Variants in DSCAM observed in about 807,000 individuals in gnomAD.
The protein encoded by DSCAM is DS cell adhesion molecule, also known as cell adhesion molecule DSCAM.
A neutral mutation model predicts 217.7 loss-of-function variants in DSCAM; 47 were observed. That is an observed-to-expected ratio of 0.22 (90% confidence interval 0.17 to 0.28). The LOEUF is 0.28. DSCAM is among the 10% of genes least tolerant of loss of function. DSCAM has a pLI of 1.00. For synonymous variants in DSCAM, 1,056 were observed against 1,015.3 expected (o/e 1.04, Z -0.76); for missense variants, 2,080 against 2,618.3 (o/e 0.79, Z 4.49).
At chr21:40,389,190 C>A (rs1223132514) in intron 3 of DSCAM, among the ~76,000 whole-genome samples, 2 of 152,146 alleles carry the variant, frequency 1.3e-5, no homozygotes, top group Non-Finnish European at 2.9e-5. Context: ...ATTCTCATGT[C>A]ATGCTGAGAA....
Position 40,545,834 on chromosome 21 carries a change from C to T in DSCAM, c.508+146976G>A, listed in dbSNP as rs150048142. Among the ~76,000 whole-genome samples, 876 of 152,302 alleles carry T rather than the reference C, an allele frequency of 5.8e-3. 13 individuals are homozygous for T. The highest frequency in any genetic ancestry group is 0.019 in the African/African-American group (778 of 41,560). On this transcript the variant is annotated intron_variant, in intron 3 of 32. Transcript: ENST00000400454. The stretch of plus-strand genomic sequence containing the variant: ...CAGCCCCTAGCCCCCTTGTGTGTAG[C>T]CCAGCCAGTCTGTCACTGAGAAAAC...
At chr21:40,826,880 G>C (rs2123621393) in intron 1 of DSCAM, among the ~76,000 whole-genome samples, 1 of 152,312 alleles carries the variant, frequency 6.6e-6, no homozygotes, top group Middle Eastern at 3.4e-3. Context: ...TTTGAGCTCA[G>C]AGAAGAAATC....
chr21:40,138,765 A>G (rs1340597202), intron 18 of DSCAM, among the ~76,000 whole-genome samples: 1 of 118,934 alleles, frequency 8.4e-6, no homozygotes, highest in Non-Finnish European at 1.6e-5. Flanking sequence ...TGTGTGGCAT[A>G]GTGTGCAGTG....
chr21:40,625,165 T>A (rs1377893419), intron 3 of DSCAM, among the ~76,000 whole-genome samples: 1 of 151,378 alleles, frequency 6.6e-6, no homozygotes, highest in Non-Finnish European at 1.5e-5. Context: ...CCTGAAAAAA[T>A]GAGAGATGTT....
chr21:40,467,722 A>AAT, intron 3 of DSCAM, among the ~76,000 whole-genome samples: 1 of 152,186 alleles, frequency 6.6e-6, no homozygotes. Context: ...AATTGATTAA[A>AAT]AAATACACAA....
intron 1 of DSCAM, among the ~76,000 whole-genome samples, chr21:40,775,084 T>A (rs907796372): frequency 1.3e-5 from 2 of 152,252 alleles, no homozygotes; most frequent in African/African-American, 4.8e-5. Context: ...ACAAATGCCA[T>A]GATCCCAAAA....
intron 3 of DSCAM, among the ~76,000 whole-genome samples, chr21:40,672,332 T>C (rs2090286691): frequency 6.6e-6 from 1 of 152,168 alleles, no homozygotes; most frequent in Admixed American, 6.5e-5. Context: ...CTGTGAGATG[T>C]CGACCATCAA....
chr21:40,253,975 C>T (rs1049299053), intron 11 of DSCAM, among the ~76,000 whole-genome samples: 12 of 152,176 alleles, frequency 7.9e-5, no homozygotes, highest in Admixed American at 7.9e-4. Context: ...GTGTGGGAAG[C>T]CTGGGACCCC....
chr21:40,492,503 CAAT>C (rs1291282853), intron 3 of DSCAM, among the ~76,000 whole-genome samples: 1 of 151,748 alleles, frequency 6.6e-6, no homozygotes, highest in Non-Finnish European at 1.5e-5. Context: ...GATCAGGAAA[CAAT>C]AAATGATCAA....
At chr21:40,458,910 C>T (rs1329143108) in intron 3 of DSCAM, among the ~76,000 whole-genome samples, 2 of 151,926 alleles carry the variant, frequency 1.3e-5, no homozygotes, top group Non-Finnish European at 2.9e-5. Context: ...GAAACCAAAA[C>T]GGTGACTGGA....
intron 1 of DSCAM, among the ~76,000 whole-genome samples, chr21:40,782,594 G>A (rs2091556960): frequency 6.6e-6 from 1 of 152,088 alleles, no homozygotes; most frequent in Admixed American, 6.5e-5. Flanking sequence ...CCAGGGCATG[G>A]TGGCATGCAC....
At chr21:40,085,042 G>C (rs376163142) in intron 23 of DSCAM, among the ~76,000 whole-genome samples, 4 of 152,042 alleles carry the variant, frequency 2.6e-5, no homozygotes, top group Non-Finnish European at 4.4e-5. Flanking sequence ...TTATTGATTG[G>C]GATTTACACA....
intron 3 of DSCAM, among the ~76,000 whole-genome samples, chr21:40,434,272 A>G (rs1217877131): frequency 6.6e-6 from 1 of 152,240 alleles, no homozygotes; most frequent in East Asian, 1.9e-4. Flanking sequence ...AGCAGGTGTG[A>G]ACACACAACA....
At position 40,029,152 on chromosome 21, in the gene DSCAM, A is replaced by AATTCTTTAATTACAGTACCC. The variant is rs71186911; in HGVS notation, c.5686+13218_5686+13219insGGGTACTGTAATTAAAGAAT. 4.5e-3 allele frequency among the ~76,000 whole-genome samples: 679 copies of AATTCTTTAATTACAGTACCC among 152,270 alleles called. 3 individuals are homozygous for AATTCTTTAATTACAGTACCC. The highest frequency in any genetic ancestry group is 0.016 in the African/African-American group (644 of 41,544). On this transcript the variant is annotated intron_variant, in intron 32 of 32. Coordinates refer to ENST00000400454, the MANE Select transcript of DSCAM (RefSeq NM_001389.5). ...TTTCCTCTGGGTCAAGGTGGCTTCC[A>AATTCTTTAATTACAGTACCC]ATTCTTGGTTTCAGGTAGCATTTTG...
At chr21:40,618,217 A>G (rs770793341) in intron 3 of DSCAM, among the ~76,000 whole-genome samples, 5 of 152,232 alleles carry the variant, frequency 3.3e-5, no homozygotes, top group Non-Finnish European at 2.9e-5. Flanking sequence ...GCCTATCGAA[A>G]TGTGTGCTCC....
At chr21:40,314,569 T>C (rs2074175583) in intron 8 of DSCAM, among the ~76,000 whole-genome samples, 1 of 152,220 alleles carries the variant, frequency 6.6e-6, no homozygotes, top group Admixed American at 6.5e-5. Flanking sequence ...TTAAATCTCT[T>C]GCCCCCAAGT....
chr21:40,556,861 C>T (rs2076676452), intron 3 of DSCAM, among the ~76,000 whole-genome samples: 1 of 152,142 alleles, frequency 6.6e-6, no homozygotes, highest in Non-Finnish European at 1.5e-5. Flanking sequence ...ATATCCATAT[C>T]ATAGCACTAT....
intron 3 of DSCAM, among the ~76,000 whole-genome samples, chr21:40,556,392 G>A (rs919326766): frequency 3.9e-5 from 6 of 152,084 alleles, no homozygotes; most frequent in African/African-American, 1.4e-4. Context: ...AATAAAGCAA[G>A]CTAGAGAAAA....
chr21:40,444,516 A>C (rs1230705374), intron 3 of DSCAM, among the ~76,000 whole-genome samples: 1 of 152,216 alleles, frequency 6.6e-6, no homozygotes, highest in Non-Finnish European at 1.5e-5. Flanking sequence ...CACCTGGAGC[A>C]CCCATGAGCA....
Sources: gnomAD v4.1 joint callset for allele counts (sites outside exome capture counted in the v4.1 genomes callset) on GRCh38, gnomAD v4.1.1 for gene constraint, MANE v1.5 for transcripts, NCBI Gene and HGNC (gene_info 2026-07-23, HGNC 2026-07-21) for gene names.